Variants in SRPK1 observed in about 807,000 individuals in gnomAD.
SRPK1 encodes SFRS protein kinase 1.
A neutral mutation model predicts 89.5 loss-of-function variants in SRPK1; 52 were observed. The ratio of observed to expected loss-of-function variants is 0.58; its 90% CI spans 0.46 to 0.73. The LOEUF (loss-of-function observed/expected upper bound fraction) is 0.73. Ranked by LOEUF, SRPK1 falls within the 30% of genes least tolerant of loss-of-function variation. The probability of loss-of-function intolerance (pLI) is 0.00; values close to 1 mark genes in which losing one functional copy is unlikely to be tolerated. For synonymous variants in SRPK1, 255 were observed against 270.2 expected, an observed-to-expected ratio of 0.94 and a Z score of 0.55; for missense variants, 603 against 780.6, an observed-to-expected ratio of 0.77 and a Z score of 2.71.
At chr6:35,886,839 C>T (rs750933099) in intron 5 of SRPK1, 28 bp from the exon 6 acceptor site, 2 of 1,354,060 alleles carry the variant, frequency 1.5e-6, no homozygotes, top group South Asian at 2.4e-5. Flanking sequence ...CAGTGTTTAG[C>T]ACAAGGTAAA....
chr6:35,843,041 T>C (rs1264035013), intron 13 of SRPK1, among the ~76,000 whole-genome samples: 4 of 151,338 alleles, frequency 2.6e-5, no homozygotes, highest in African/African-American at 9.7e-5. Context: ...CGGTCTCGGC[T>C]CACTGCAAGC....
chr6:35,888,104 T>G lies in SRPK1; in HGVS notation c.310A>C (p.Lys104Gln). ...VWLSWDIQGKKFVAMKVVKSA... is the reference protein window; with the variant it reads ...VWLSWDIQGKQFVAMKVVKSA... ...TTAACTACTTTCATTGCCACAAATT[T>G]CTTCCCCCTAAGAAACAAACACAGG... The change falls in exon 5 of 16, where the codon AAA becomes CAA. Residue 104 changes from lysine (K) to glutamine (Q), a missense_variant. Physicochemically the swap from Lys to Gln is moderately conservative, Grantham distance 53. Coordinates refer to ENST00000373825, the MANE Select transcript of SRPK1 (RefSeq NM_003137.5). 1 of 1,605,444 alleles carries G rather than the reference T, an allele frequency of 6.2e-7. No homozygotes were observed. Among genetic ancestry groups the G allele is most frequent in the African/African-American group, 1.3e-5 (1 of 74,698 alleles).
chr6:35,869,166 T>C (rs1295939846), intron 11 of SRPK1, 56 bp from the exon 12 acceptor site: 1 of 1,403,974 alleles, frequency 7.1e-7, no homozygotes, highest in Non-Finnish European at 9.9e-7. Context: ...AAATACTCAA[T>C]GAGTAATAAA....
chr6:35,889,720 GT>G (rs777970291), intron 3 of SRPK1, among the ~76,000 whole-genome samples: 6 of 149,610 alleles, frequency 4.0e-5, no homozygotes, highest in Non-Finnish European at 5.9e-5. Context: ...GGAGGTGGAG[GT>G]TGCAGTGAGC....
At chr6:35,837,237 C>T (rs560234563) in intron 15 of SRPK1, among the ~76,000 whole-genome samples, 9 of 152,170 alleles carry the variant, frequency 5.9e-5, no homozygotes, top group Middle Eastern at 6.8e-3. Context: ...TAATGTACTT[C>T]GAGTGACTGT....
At chr6:35,898,092 A>G (rs929324381) in intron 2 of SRPK1, among the ~76,000 whole-genome samples, 1 of 152,222 alleles carries the variant, frequency 6.6e-6, no homozygotes, top group East Asian at 1.9e-4. Flanking sequence ...TAACAGCACA[A>G]TTCTCAATTC....
At chr6:35,849,694 G>A (rs1031998286) in intron 13 of SRPK1, among the ~76,000 whole-genome samples, 1 of 152,114 alleles carries the variant, frequency 6.6e-6, no homozygotes, top group Non-Finnish European at 1.5e-5. Flanking sequence ...GACATGACAC[G>A]CAAAGGAAAT....
At chr6:35,901,515 T>C (rs1438529824) in intron 2 of SRPK1, among the ~76,000 whole-genome samples, 1 of 152,192 alleles carries the variant, frequency 6.6e-6, no homozygotes, top group African/African-American at 2.4e-5. Flanking sequence ...ATAATAAATT[T>C]CTGTTGTTTA....
In SRPK1 at chr6:35,833,450, A is replaced by G. The variant is rs1769105368; in HGVS notation, c.*1854T>C. ...CACAATTGTGATTTTACTATGTAGA[A>G]GATAATTCAGTTCTAGTCTATTGCT... On this transcript the variant is annotated 3_prime_UTR_variant, in exon 16 of 16. Transcript: ENST00000373825. 1 of 152,440 alleles carries G rather than the reference A, an allele frequency of 6.6e-6. No homozygotes were observed. The highest frequency in any genetic ancestry group is 2.4e-5 in the African/African-American group (1 of 41,452). The allele number at this position is 152,440 out of a possible 1,614,324, so 9.4% of individuals were successfully genotyped here.
At chr6:35,842,873 A>G (rs1300502422) in intron 13 of SRPK1, among the ~76,000 whole-genome samples, 2 of 152,002 alleles carry the variant, frequency 1.3e-5, no homozygotes, top group Non-Finnish European at 2.9e-5. Flanking sequence ...CCTAAACCCT[A>G]GCAATTCAGC....
Position 35,921,050 on chromosome 6 carries a change from G to T in SRPK1, c.7C>A (p.Arg3=), listed in dbSNP as rs916487144. The T allele has an allele frequency of 7.8e-6, 12 of 1,541,012 alleles. No individual in the cohort carries two copies. The African/African-American group carries it at 1.0e-4, about 13-fold the overall frequency. ...AGGCCGCTCCACCGCTCACCTTTCCGCTCCATGGTGAGACCGGTAATCGCC... is the reference window on the plus strand; with the variant it reads ...AGGCCGCTCCACCGCTCACCTTTCCTCTCCATGGTGAGACCGGTAATCGCC... ME[R]KVLALQARKK... Residue 3 remains arginine, a synonymous_variant, in exon 1 of 16, where the codon CGG becomes AGG. Transcript: ENST00000373825.
chr6:35,880,037 G>A (rs1474514168), intron 6 of SRPK1, among the ~76,000 whole-genome samples: 1 of 151,020 alleles, frequency 6.6e-6, no homozygotes, highest in East Asian at 1.9e-4. Context: ...CTCCAGCCTG[G>A]GTGGTGTGAA....
In SRPK1 at chr6:35,838,399, C is replaced by T. The variant is rs1484069641; in HGVS notation, c.1721G>A (p.Gly574Glu). ...DHIALIIELLGKVPRKLIVAG... is the reference protein window; with the variant it reads ...DHIALIIELLEKVPRKLIVAG... ...CACAATGAGCTTGCGAGGCACCTTC[C>T]CCAGAAGTTCTATGATCAATGCAAT... The change falls in exon 15 of 16, where the codon GGG (glycine) becomes GAG (glutamate). Residue 574 changes from glycine to glutamate, a missense_variant. Coordinates refer to ENST00000373825, the MANE Select transcript of SRPK1 (RefSeq NM_003137.5). The T allele has an allele frequency of 6.3e-7, 1 of 1,579,216 alleles. No individual in the cohort carries two copies. The highest frequency in any genetic ancestry group is 8.5e-7 in the Non-Finnish European group (1 of 1,170,990).
intron 12 of SRPK1, among the ~76,000 whole-genome samples, chr6:35,858,060 G>A (rs907315554): frequency 2.6e-5 from 4 of 151,994 alleles, no homozygotes; most frequent in African/African-American, 9.7e-5. Context: ...TCCTGTATAT[G>A]ACTCATACTA....
In SRPK1 at chr6:35,870,024, A is replaced by C. The variant is rs989067275; in HGVS notation, c.992-123T>G. 3 of 1,152,110 alleles carry C rather than the reference A, an allele frequency of 2.6e-6. No individual in the cohort carries two copies. In the African/African-American group the frequency reaches 4.6e-5, roughly 18 times the overall value. The allele number at this position is 1,152,110 out of a possible 1,614,324, so 71.4% of individuals were successfully genotyped here. A position where few individuals can be genotyped will look rare whatever the true frequency, so the allele number is the denominator to read the frequency against. ...ACTGAGTGACATAAAAACATGACTA[A>C]ACATCTAAAACCTATTTCCGGAAGG... On this transcript the variant is annotated intron_variant, in intron 10 of 15. Coordinates refer to ENST00000373825, the MANE Select transcript of SRPK1 (RefSeq NM_003137.5).
At chr6:35,860,387 A>G (rs1404410963) in intron 12 of SRPK1, among the ~76,000 whole-genome samples, 1 of 152,192 alleles carries the variant, frequency 6.6e-6, no homozygotes, top group Admixed American at 6.5e-5. Flanking sequence ...AGAGAGATTA[A>G]TTCTGTTGTG....
At chr6:35,909,055 C>G (rs1276341833) in intron 2 of SRPK1, among the ~76,000 whole-genome samples, 1 of 152,216 alleles carries the variant, frequency 6.6e-6, no homozygotes, top group Admixed American at 6.5e-5. Flanking sequence ...GGCTGGGGCC[C>G]CCACACAGAG....
intron 13 of SRPK1, among the ~76,000 whole-genome samples, chr6:35,855,963 G>C (rs908660409): frequency 6.6e-6 from 1 of 151,134 alleles, no homozygotes; most frequent in South Asian, 2.1e-4. Context: ...CTGACCTCAA[G>C]TGATCCACTT....
At chr6:35,893,541 C>T (rs1237930991) in intron 2 of SRPK1, among the ~76,000 whole-genome samples, 2 of 151,752 alleles carry the variant, frequency 1.3e-5, no homozygotes, top group Non-Finnish European at 2.9e-5. Context: ...GAGTTGACAC[C>T]ATACACTGCA....
Sources: allele counts gnomAD v4.1 joint callset (sites outside exome capture counted in the v4.1 genomes callset), GRCh38; gene constraint gnomAD v4.1.1; transcripts MANE v1.5; gene names NCBI Gene and HGNC (gene_info 2026-07-23, HGNC 2026-07-21).